The following POLRMT variants were observed in gnomAD, a reference collection of about 807,000 sequenced individuals.
POLRMT encodes the protein RNA polymerase mitochondrial.
POLRMT carries 114 observed loss-of-function variants against 132.2 expected under a neutral mutation model. That is an observed-to-expected ratio of 0.86 (90% CI 0.74 to 1.01). POLRMT has a LOEUF of 1.01. Ranked by LOEUF, POLRMT falls within the 50% of genes least tolerant of loss-of-function variation. The probability of loss-of-function intolerance (pLI) is 0.00; values close to 1 mark genes in which losing one functional copy is unlikely to be tolerated. For missense variants in POLRMT, 2,003 were observed against 1,729.1 expected (o/e 1.16, Z -2.81); for synonymous variants, 1,020 against 773.4 (o/e 1.32, Z -5.29).
At chr19:624,064 A>T (rs41560514) in intron 5 of POLRMT, among the ~76,000 whole-genome samples, 1 of 152,266 alleles carries the variant, frequency 6.6e-6, no homozygotes, top group Non-Finnish European at 1.5e-5. Flanking sequence ...CTCGCAGTCG[A>T]TAAGTAGAAA....
intron 3 of POLRMT, among the ~76,000 whole-genome samples, chr19:626,696 C>CAAATAAAAAAAAAAAAAAA (rs1555676850): frequency 5.7e-5 from 6 of 105,018 alleles, no homozygotes; most frequent in African/African-American, 2.6e-4. Flanking sequence ...ACTAAAAATA[C>CAAATAAAAAAAAAAAAAAA]AAAAAAAAAA....
rs780857374 is a variant in POLRMT at position 621,399 on chromosome 19, T to A, written c.2299A>T (p.Lys767Ter). Reference sequence around the variant, plus strand: ...AGGCTGTGCATCTCCCGGGCCACCTTCTGGCAGTGCGCCAGCTCACGGCGC... The same window carrying A: ...AGGCTGTGCATCTCCCGGGCCACCTACTGGCAGTGCGCCAGCTCACGGCGC... ...ELRRELAHCQ[K>*]VAREMHSLRA... Residue 767 changes from lysine to a stop codon, truncating the protein, a stop_gained, in exon 10 of 21, where the codon AAG (lysine) becomes TAG (stop). Coordinates refer to ENST00000588649, the MANE Select transcript of POLRMT (RefSeq NM_005035.4). LOFTEE classifies it high-confidence loss of function. 2.0e-6 allele frequency: 3 copies of A among 1,525,864 alleles called. No individual in the cohort carries two copies. In the African/African-American group the frequency reaches 4.2e-5, roughly 21 times the overall value. The allele number at this position is 1,525,864 out of a possible 1,614,324, so 94.5% of individuals were successfully genotyped here.
intron 3 of POLRMT, among the ~76,000 whole-genome samples, chr19:626,898 C>CACACACACACACACACAT (rs371959370): frequency 0.056 from 8,220 of 146,424 alleles, 343 homozygotes; most frequent in South Asian, 0.14. Context: ...CACACACACA[C>CACACACACACACACACAT]ATATATATAT....
intron 2 of POLRMT, among the ~76,000 whole-genome samples, chr19:631,359 T>A (rs1449973824): frequency 7.2e-6 from 1 of 138,760 alleles, no homozygotes; most frequent in African/African-American, 2.7e-5. Context: ...GACCCAGGTG[T>A]CCAGATGTGG....
At chr19:621,015 G>T (rs781347248) in intron 10 of POLRMT, 43 bp downstream of exon 10, 3 of 1,030,518 alleles carry the variant, frequency 2.9e-6, no homozygotes, top group Non-Finnish European at 3.7e-6. Flanking sequence ...GGGAGGGCGC[G>T]GGGGTGCCGG....
intron 1 of POLRMT, 27 bp downstream of exon 1, chr19:633,398 C>T (rs899051340): frequency 6.0e-6 from 9 of 1,495,170 alleles, no homozygotes; most frequent in Non-Finnish European, 8.0e-6. Flanking sequence ...GGCCCCCGGG[C>T]TGCCTGGCCG....
chr19:631,157 T>TA (rs144110127), intron 2 of POLRMT, among the ~76,000 whole-genome samples: 19,026 of 147,188 alleles, frequency 0.13, 1,457 homozygotes, highest in Middle Eastern at 0.18. Flanking sequence ...ATAATCCATC[T>TA]AAAAAAAAAA....
chr19:631,511 C>T (rs1277634143), intron 2 of POLRMT, among the ~76,000 whole-genome samples: 5 of 150,982 alleles, frequency 3.3e-5, no homozygotes, highest in African/African-American at 7.3e-5. Context: ...TGGTGGTGCG[C>T]GCCTGTAGTT....
At position 625,251 on chromosome 19, in the gene POLRMT, C is replaced by A. The variant is rs753578702; in HGVS notation, c.826G>T (p.Ala276Ser). The A allele has an allele frequency of 3.7e-6, 6 of 1,613,820 alleles. No individual in the cohort carries two copies. The highest frequency in any genetic ancestry group is 4.2e-6 in the Non-Finnish European group (5 of 1,179,874). ...AVMLGWARQG[A>S]FKELVYVLFM... ...AACACATATACCAGCTCCTTGAAGG[C>A]ACCCTGGGAGACCAAGCCAGGGTGA... Residue 276 changes from alanine to serine, a missense_variant, in exon 4 of 21, where the codon GCC becomes TCC. Ala to Ser is a moderately conservative substitution (Grantham distance 99). Coordinates refer to ENST00000588649, the MANE Select transcript of POLRMT (RefSeq NM_005035.4).
At position 622,347 on chromosome 19, in the gene POLRMT, C is replaced by G. The variant is rs202005794; in HGVS notation, c.1653G>C (p.Gln551His). The change falls in exon 9 of 21, where the codon CAG becomes CAC. Residue 551 changes from glutamine (Q) to histidine (H), a missense_variant. Physicochemically the swap from Gln to His is conservative, Grantham distance 24. Coordinates refer to ENST00000588649, the MANE Select transcript of POLRMT (RefSeq NM_005035.4). ...CGGGCGCCCCCAGCTCCTCCCAGTA[C>G]TGCCGCGGCAGGCAGGGCTCGGGCA... is the stretch of plus-strand genomic sequence containing the variant. Reference protein sequence around the residue: ...AEVPEPCLPRQYWEELGAPEA... With the variant: ...AEVPEPCLPRHYWEELGAPEA... 1,332 of 1,555,400 alleles carry G rather than the reference C, an allele frequency of 8.6e-4. 3 individuals are homozygous for G. The highest frequency in any genetic ancestry group is 1.1e-3 in the Non-Finnish European group (1,286 of 1,151,758).
intron 8 of POLRMT, 61 bp from the exon 9 acceptor site, chr19:622,434 C>G: frequency 6.8e-7 from 1 of 1,479,178 alleles, no homozygotes; most frequent in Non-Finnish European, 9.0e-7. Flanking sequence ...TGCCCCACCG[C>G]CCGTGCCTGA....
Position 617,526 on chromosome 19 carries a change from G to A in POLRMT, c.3581+44C>T, listed in dbSNP as rs769141420. ...GGGTGAGGCTGAGGCCAGGTTTTGG[G>A]GTGGGGGGGGAATCCAGGTAGTTGG... On this transcript the variant is annotated intron_variant, in intron 19 of 20. Transcript: ENST00000588649. 2.9e-5 allele frequency: 46 copies of A among 1,608,332 alleles called. No individual in the cohort carries two copies. In the South Asian group the frequency reaches 4.4e-4, roughly 15 times the overall value.
At position 620,382 on chromosome 19, in the gene POLRMT, G is replaced by A. The variant is rs1600563194; in HGVS notation, c.2746C>T (p.His916Tyr). Residue 916 changes from histidine to tyrosine, a missense_variant, in exon 11 of 21, where the codon CAC becomes TAC. Physicochemically the swap from His to Tyr is moderately conservative, Grantham distance 83. Coordinates refer to ENST00000588649, the MANE Select transcript of POLRMT (RefSeq NM_005035.4). ...TGGCTCACCTGATGGACGGGGAGGT[G>A]GGAGACATAGGCGGCAGGGTCGGAG... ...RASDPAAYVS[H>Y]LPVHQDGSCN... 3 of 1,579,672 alleles carry A rather than the reference G, an allele frequency of 1.9e-6. No homozygotes were observed. Among genetic ancestry groups the A allele is most frequent in the East Asian group, 2.3e-5 (1 of 43,048 alleles).
chr19:618,729 T>A lies in POLRMT; in HGVS notation c.3299A>T (p.Tyr1100Phe), dbSNP rs1984230902. ...QIGGGIQSIT[Y>F]THNGDISRKP... ...CCGGCTGATGTCTCCGTTGTGGGTG[T>A]AGGTGATGCTCTGAATTCCACCTCC... Residue 1100 changes from tyrosine to phenylalanine, a missense_variant, in exon 16 of 21, where the codon TAC (tyrosine) becomes TTC (phenylalanine). By Grantham distance (22) the Tyr-to-Phe change is conservative (BLOSUM62 3). Coordinates refer to ENST00000588649, the MANE Select transcript of POLRMT (RefSeq NM_005035.4). The A allele has an allele frequency of 6.2e-7, 1 of 1,607,040 alleles. No individual in the cohort carries two copies. Among genetic ancestry groups the A allele is most frequent in the African/African-American group, 1.3e-5 (1 of 74,772 alleles).
rs1984040807 is a variant in POLRMT, at chr19:617,304, C to G, written c.3663G>C (p.Gln1221His). ...VPKPGAFDLE[Q>H]VKRSTYFFS ...TGAAGAAGTAGGTGGAACGCTTCAC[C>G]TGCTCCAGGTCGAAGGCCCCTGCGG... The change falls in exon 21 of 21, where the codon CAG becomes CAC. Residue 1221 changes from glutamine to histidine, a missense_variant. Physicochemically the swap from Gln to His is conservative, Grantham distance 24. Coordinates refer to ENST00000588649, the MANE Select transcript of POLRMT (RefSeq NM_005035.4). 1.2e-6 allele frequency: 2 copies of G among 1,612,818 alleles called. No homozygotes were observed. The highest frequency in any genetic ancestry group is 1.7e-6 in the Non-Finnish European group (2 of 1,179,898).
At chr19:630,871 T>C (rs1041792122) in intron 2 of POLRMT, among the ~76,000 whole-genome samples, 1 of 152,204 alleles carries the variant, frequency 6.6e-6, no homozygotes, top group African/African-American at 2.4e-5. Flanking sequence ...TGGAAATCTA[T>C]TGCTGGCCGG....
rs377079006 is a variant in POLRMT, at chr19:622,144, G to A, written c.1851+5C>T. The A allele has an allele frequency of 2.9e-5, 44 of 1,543,862 alleles. No individual in the cohort carries two copies. The African/African-American group carries it at 5.6e-4, about 20-fold the overall frequency. On this transcript the variant is annotated splice_donor_5th_base_variant and intron_variant, in intron 9 of 20. Coordinates refer to ENST00000588649, the MANE Select transcript of POLRMT (RefSeq NM_005035.4). Reference sequence around the variant, plus strand: ...CCCCCAGCTCAGGAGGGCACTGCCTGGCACCTGCTGGACGTTGCGGAAGGA... The same window carrying A: ...CCCCCAGCTCAGGAGGGCACTGCCTAGCACCTGCTGGACGTTGCGGAAGGA...
At chr19:617,989 C>A (rs890476184) in intron 17 of POLRMT, 140 bp from the exon 18 acceptor site, 16 of 682,576 alleles carry the variant, frequency 2.3e-5, no homozygotes, top group Non-Finnish European at 3.6e-5. Flanking sequence ...CCACCCCTCG[C>A]CCCGCCCCTC....
rs1259558152 is a variant in POLRMT at position 622,953 on chromosome 19, C to G, written c.1323G>C (p.Trp441Cys). The part of the protein sequence containing the change: ...RKTLKTLRDQ[W>C]EKALCRALRE... ...GCAGCGCCCGGCACAGTGCTTTCTC[C>G]CATTGGTCCCGCAGGGTCTTCAGGG... The change falls in exon 7 of 21, where the codon TGG becomes TGC. Residue 441 changes from tryptophan to cysteine, a missense_variant. Physicochemically the swap from Trp to Cys is radical, Grantham distance 215. Transcript: ENST00000588649. The G allele has an allele frequency of 6.2e-7, 1 of 1,612,952 alleles. No homozygotes were observed. Among genetic ancestry groups the G allele is most frequent in the Admixed American group, 1.7e-5 (1 of 60,004 alleles).
Sources: gnomAD v4.1 joint callset for allele counts (sites outside exome capture counted in the v4.1 genomes callset) on GRCh38, gnomAD v4.1.1 for gene constraint, MANE v1.5 for transcripts, NCBI Gene and HGNC (gene_info 2026-07-23, HGNC 2026-07-21) for gene names.